Variants in KITLG observed in about 807,000 individuals in gnomAD.
KITLG encodes the protein KIT ligand, also known as c-Kit ligand.
A neutral mutation model predicts 34.1 loss-of-function variants in KITLG; 13 were observed. The ratio of observed to expected loss-of-function variants is 0.38; its 90% CI spans 0.25 to 0.61. KITLG has a LOEUF of 0.61. Among genes scored for constraint, KITLG ranks in the 20% least tolerant of loss-of-function variants. The pLI is 0.60. For synonymous variants in KITLG, 110 were observed against 104.0 expected (o/e 1.06, Z -0.35); for missense variants, 292 against 318.9 (o/e 0.92, Z 0.64).
rs780505821 is a variant in KITLG, at chr12:88,545,820, G to T, written c.61C>A (p.Pro21Thr). The part of the protein sequence containing the change: ...CIYLQLLLFN[P>T]LVKTEGICRN... Reference sequence around the variant, plus strand: ...CAGATCCCTTCAGTTTTGACGAGAGGATTAAATAGGAGCAGCTGAAGATAA... The same window carrying T: ...CAGATCCCTTCAGTTTTGACGAGAGTATTAAATAGGAGCAGCTGAAGATAA... Residue 21 changes from proline to threonine, a missense_variant, in exon 2 of 10, where the codon CCT (proline) becomes ACT (threonine). Pro to Thr is a conservative substitution (Grantham distance 38). This residue lies in a region of KITLG where 152 missense variants were observed against 207.9 expected (regional missense o/e 0.73). Coordinates refer to ENST00000644744, the MANE Select transcript of KITLG (RefSeq NM_000899.5). 23 of 1,612,630 alleles carry T rather than the reference G, an allele frequency of 1.4e-5. No homozygotes were observed. The highest frequency in any genetic ancestry group is 2.0e-5 in the Non-Finnish European group (23 of 1,178,922).
chr12:88,578,652 T>TA (rs1871909223), intron 1 of KITLG, among the ~76,000 whole-genome samples: 1 of 152,192 alleles, frequency 6.6e-6, no homozygotes, highest in South Asian at 2.1e-4. Flanking sequence ...AGTGACTTGA[T>TA]AGTACATCCC....
rs553630713 is a variant in KITLG, at chr12:88,502,175, A to C, written c.*37+2984T>G. Among the ~76,000 whole-genome samples the C allele has an allele frequency of 1.0e-3, 152 of 152,256 alleles. 4 individuals carry two copies. The South Asian group carries it at 0.029, about 29-fold the overall frequency. On this transcript the variant is annotated intron_variant, in intron 9 of 9. Transcript: ENST00000644744. ...CATGTTTTCATTCATTCTGCCATCT[A>C]TTTCCCATTGACTACTGAATAAGTG...
intron 1 of KITLG, among the ~76,000 whole-genome samples, chr12:88,548,577 G>C (rs117234523): frequency 6.6e-6 from 1 of 152,152 alleles, no homozygotes; most frequent in East Asian, 1.9e-4. Flanking sequence ...GATAGGTGAT[G>C]TTGGGTAGGT....
chr12:88,535,795 T>A (rs1331596271), intron 2 of KITLG, among the ~76,000 whole-genome samples: 1 of 152,114 alleles, frequency 6.6e-6, no homozygotes. Flanking sequence ...ACATACACAA[T>A]AGGGAAAGGA....
intron 1 of KITLG, among the ~76,000 whole-genome samples, chr12:88,576,808 A>G: frequency 6.6e-6 from 1 of 151,686 alleles, no homozygotes; most frequent in East Asian, 1.9e-4. Flanking sequence ...CATGTAAAAA[A>G]CCTCCAATAC....
At chr12:88,571,846 C>T (rs1038167591) in intron 1 of KITLG, among the ~76,000 whole-genome samples, 8 of 152,090 alleles carry the variant, frequency 5.3e-5, no homozygotes, top group Admixed American at 2.6e-4. Context: ...CACACTAATG[C>T]GCTGTGGTTA....
At chr12:88,574,657 A>G (rs1396554544) in intron 1 of KITLG, among the ~76,000 whole-genome samples, 1 of 152,174 alleles carries the variant, frequency 6.6e-6, no homozygotes, top group African/African-American at 2.4e-5. Context: ...TCTTTCTACT[A>G]CATCATCAGA....
intron 2 of KITLG, among the ~76,000 whole-genome samples, chr12:88,534,419 G>C (rs1372318778): frequency 1.3e-5 from 2 of 151,828 alleles, no homozygotes; most frequent in Non-Finnish European, 2.9e-5. Flanking sequence ...TGTCACCCAG[G>C]CTGGAGTGCA....
In KITLG at chr12:88,534,913, A is replaced by G. The variant is rs573613465; in HGVS notation, c.130-2410T>C. 1.1e-4 allele frequency among the ~76,000 whole-genome samples: 17 copies of G among 152,296 alleles called. No homozygotes were observed. In the East Asian group the frequency reaches 2.5e-3, roughly 22 times the overall value. ...CAGACCTGTTGCAGATGTGAAAGCG[A>G]TAAGTAAGCAGCAATATTCTATCTC... On this transcript the variant is annotated intron_variant, in intron 2 of 9. Transcript: ENST00000644744.
chr12:88,547,234 T>C (rs4842633), intron 1 of KITLG, among the ~76,000 whole-genome samples: 11,915 of 152,298 alleles, frequency 0.078, 512 homozygotes, highest in Non-Finnish European at 0.1. Flanking sequence ...TTTCAATTAA[T>C]ATCTGCATGC....
chr12:88,545,617 A>T, intron 2 of KITLG, 135 bp downstream of exon 2: 4 of 617,494 alleles, frequency 6.5e-6, no homozygotes, highest in Non-Finnish European at 1.1e-5. Context: ...CCTTTATTGT[A>T]ACCCAGTGAT....
chr12:88,539,798 C>T (rs1870456947), intron 2 of KITLG, among the ~76,000 whole-genome samples: 1 of 151,942 alleles, frequency 6.6e-6, no homozygotes, highest in Admixed American at 6.6e-5. Flanking sequence ...GTGGCAACTA[C>T]TCTGGAGTCC....
intron 1 of KITLG, among the ~76,000 whole-genome samples, chr12:88,547,989 T>A (rs147090609): frequency 6.6e-6 from 1 of 152,208 alleles, no homozygotes; most frequent in African/African-American, 2.4e-5. Flanking sequence ...TGTCAAAAGC[T>A]ATGGGAAAAA....
chr12:88,516,312 T>C (rs770263053), intron 5 of KITLG, 22 bp downstream of exon 5: 1 of 1,603,262 alleles, frequency 6.2e-7, no homozygotes, highest in Admixed American at 1.7e-5. Flanking sequence ...ACATTTGAAC[T>C]GGAAATGCTT....
chr12:88,526,374 G>C (rs932409131), intron 3 of KITLG, among the ~76,000 whole-genome samples: 2 of 152,078 alleles, frequency 1.3e-5, no homozygotes, highest in African/African-American at 4.8e-5. Context: ...ACGAGTTATA[G>C]GCACTCACCT....
chr12:88,527,885 G>A (rs1869936983), intron 3 of KITLG, among the ~76,000 whole-genome samples: 1 of 152,304 alleles, frequency 6.6e-6, no homozygotes, highest in African/African-American at 2.4e-5. Flanking sequence ...TCTTAAAGGG[G>A]AGGACTGTCT....
At chr12:88,521,157 T>C (rs1399435044) in intron 3 of KITLG, among the ~76,000 whole-genome samples, 1 of 152,212 alleles carries the variant, frequency 6.6e-6, no homozygotes, top group Non-Finnish European at 1.5e-5. Context: ...TTTTCAGTAA[T>C]TTGTTTAACC....
At chr12:88,550,696 T>G (rs1468650431) in intron 1 of KITLG, among the ~76,000 whole-genome samples, 1 of 152,212 alleles carries the variant, frequency 6.6e-6, no homozygotes, top group Non-Finnish European at 1.5e-5. Flanking sequence ...CCTGTCCTTT[T>G]AGCCCCTCTA....
At chr12:88,545,064 C>T (rs1231663702) in intron 2 of KITLG, among the ~76,000 whole-genome samples, 1 of 152,114 alleles carries the variant, frequency 6.6e-6, no homozygotes, top group Non-Finnish European at 1.5e-5. Context: ...TAGATCGTGA[C>T]GGTTGGGAAG....
Sources: allele counts gnomAD v4.1 joint callset (sites outside exome capture counted in the v4.1 genomes callset), GRCh38; gene constraint gnomAD v4.1.1; regional missense constraint gnomAD v4.1.1; transcripts MANE v1.5; gene names NCBI Gene and HGNC (gene_info 2026-07-23, HGNC 2026-07-21).